Variants in ARL13B observed in about 807,000 individuals in gnomAD.
ARL13B encodes ARF like GTPase 13B.
In ARL13B, 36 loss-of-function variants were observed where a neutral mutation model predicts 56.1. That is an observed-to-expected ratio of 0.64 (90% CI 0.49 to 0.85). The LOEUF is 0.85. Among genes scored for constraint, ARL13B ranks in the 40% least tolerant of loss-of-function variants. ARL13B has a pLI of 0.00. For missense variants in ARL13B, 519 were observed against 507.1 expected (o/e 1.02, Z -0.23); for synonymous variants, 178 against 171.1 (o/e 1.04, Z -0.32).
intron 3 of ARL13B, among the ~76,000 whole-genome samples, chr3:94,010,116 T>G (rs1213219090): frequency 6.6e-6 from 1 of 152,076 alleles, no homozygotes; most frequent in Non-Finnish European, 1.5e-5. Context: ...TAGCAAAAAT[T>G]GAGAACTACT....
At chr3:94,041,828 A>G (rs945217854) in intron 6 of ARL13B, among the ~76,000 whole-genome samples, 2 of 152,168 alleles carry the variant, frequency 1.3e-5, no homozygotes, top group Admixed American at 1.3e-4. Context: ...TAATCCCAGC[A>G]CTTTGGGAGG....
rs2077097108 is a variant in ARL13B, at chr3:94,053,381, T to C, written c.*118T>C. 10 of 908,132 alleles carry C rather than the reference T, an allele frequency of 1.1e-5. No individual in the cohort carries two copies. The highest frequency in any genetic ancestry group is 7.5e-5 in the East Asian group (3 of 40,076). 56.3% of individuals were successfully genotyped at this position (908,132 alleles called of 1,614,324 possible). On this transcript the variant is annotated 3_prime_UTR_variant, in exon 10 of 10. Coordinates refer to ENST00000394222, the MANE Select transcript of ARL13B (RefSeq NM_001174150.2). ...TGGGGCAAGATAACCATAATAATTT[T>C]AGTGAGAAGATTAATACTCAAGGAC...
intron 3 of ARL13B, among the ~76,000 whole-genome samples, chr3:94,025,974 T>A (rs1177764693): frequency 6.6e-6 from 1 of 152,112 alleles, no homozygotes; most frequent in African/African-American, 2.4e-5. Flanking sequence ...CTCTTCACTT[T>A]GGCTTTAAGT....
At chr3:94,034,862 A>G (rs1053832506) in intron 3 of ARL13B, among the ~76,000 whole-genome samples, 3 of 152,192 alleles carry the variant, frequency 2.0e-5, no homozygotes, top group South Asian at 2.1e-4. Flanking sequence ...ATAATAAGGG[A>G]AAAATGACAA....
intron 1 of ARL13B, among the ~76,000 whole-genome samples, chr3:93,984,123 A>T (rs1300490216): frequency 6.6e-6 from 1 of 152,226 alleles, no homozygotes; most frequent in African/African-American, 2.4e-5. Flanking sequence ...TGGGAGGCTG[A>T]GGTGGGCAGA....
chr3:94,035,977 G>T (rs902781981), intron 4 of ARL13B, among the ~76,000 whole-genome samples: 1 of 152,064 alleles, frequency 6.6e-6, no homozygotes, highest in East Asian at 1.9e-4. Context: ...GGGGGCTGAG[G>T]TGGGAAGACC....
chr3:93,996,986 T>C (rs2075978608), intron 2 of ARL13B, among the ~76,000 whole-genome samples: 1 of 152,042 alleles, frequency 6.6e-6, no homozygotes, highest in Non-Finnish European at 1.5e-5. Context: ...CCATGAACCC[T>C]ATGTGAACTG....
At chr3:94,050,697 T>A (rs1004630600) in intron 8 of ARL13B, 127 bp from the exon 9 acceptor site, 34 of 765,224 alleles carry the variant, frequency 4.4e-5, no homozygotes, top group Non-Finnish European at 6.9e-5. Flanking sequence ...CTTTCCATAC[T>A]GTCATTCAAT....
intron 3 of ARL13B, among the ~76,000 whole-genome samples, chr3:94,013,543 A>C (rs1226564073): frequency 1.3e-5 from 2 of 152,200 alleles, no homozygotes; most frequent in Non-Finnish European, 2.9e-5. Flanking sequence ...TCATCTTCTT[A>C]TTCCTTAAGC....
At chr3:94,015,031 G>A (rs1374871052) in intron 3 of ARL13B, 1 of 1,613,980 alleles carries the variant, frequency 6.2e-7, no homozygotes, top group Non-Finnish European at 8.5e-7. Flanking sequence ...TCTCATTGAA[G>A]CCACCAGACT....
At chr3:94,031,789 G>T (rs528213534) in intron 3 of ARL13B, among the ~76,000 whole-genome samples, 3 of 152,252 alleles carry the variant, frequency 2.0e-5, no homozygotes, top group South Asian at 2.1e-4. Flanking sequence ...CATGGTACTG[G>T]TATAGAAATA....
rs1321835586 is a variant in ARL13B, at chr3:93,980,249, C to T, written c.-175C>T. The T allele has an allele frequency of 2.5e-6, 2 of 793,442 alleles. No individual in the cohort carries two copies. The highest frequency in any genetic ancestry group is 1.4e-5 in the South Asian group (1 of 70,146). The allele number at this position is 793,442 out of a possible 1,614,324, so 49.2% of individuals were successfully genotyped here. ...GCTAAGAGGGCAGTCGTCGCGGACC[C>T]ACGCGGTTAGCAAGGCTTAGTGCTC... is the stretch of plus-strand genomic sequence containing the variant. On this transcript the variant is annotated 5_prime_UTR_variant, in exon 1 of 10. Coordinates refer to ENST00000394222, the MANE Select transcript of ARL13B (RefSeq NM_001174150.2).
intron 1 of ARL13B, among the ~76,000 whole-genome samples, chr3:93,981,989 C>T (rs1165763152): frequency 6.6e-6 from 1 of 151,556 alleles, no homozygotes; most frequent in African/African-American, 2.4e-5. Flanking sequence ...ACTTGAGGGT[C>T]ATTCATAATA....
rs1031374886 is a variant in ARL13B, at chr3:94,039,863, T to C, written c.690-17T>C. On this transcript the variant is annotated splice_polypyrimidine_tract_variant and intron_variant, in intron 5 of 9. Transcript: ENST00000394222. ...CTTTCTCAAAGGAAATTTCAATTAT[T>C]TTTCCTCAAACGATAGAAAACAAAA... 1.2e-6 allele frequency: 2 copies of C among 1,610,888 alleles called. No homozygotes were observed.
intron 2 of ARL13B, among the ~76,000 whole-genome samples, chr3:93,997,643 T>C (rs1443466177): frequency 6.6e-6 from 1 of 152,108 alleles, no homozygotes; most frequent in Non-Finnish European, 1.5e-5. Flanking sequence ...CCAGTCTCCT[T>C]CTGAACTACA....
At chr3:93,996,733 A>G (rs1000814910) in intron 2 of ARL13B, 2 of 252,100 alleles carry the variant, frequency 7.9e-6, no homozygotes, top group East Asian at 1.1e-4. Context: ...TATCTATGCT[A>G]GTGACTTTGT....
chr3:93,997,188 T>G (rs2075982510), intron 2 of ARL13B, among the ~76,000 whole-genome samples: 1 of 152,098 alleles, frequency 6.6e-6, no homozygotes, highest in Non-Finnish European at 1.5e-5. Flanking sequence ...ATAATAGAAA[T>G]AAAGTGCACA....
chr3:94,008,953 G>A (rs1435979078), intron 3 of ARL13B, among the ~76,000 whole-genome samples: 1 of 152,076 alleles, frequency 6.6e-6, no homozygotes, highest in East Asian at 1.9e-4. Flanking sequence ...TTCACTTGGG[G>A]AAGACAACAT....
At chr3:93,990,583 G>A (rs1344575250) in intron 1 of ARL13B, among the ~76,000 whole-genome samples, 1 of 152,124 alleles carries the variant, frequency 6.6e-6, no homozygotes, top group Non-Finnish European at 1.5e-5. Flanking sequence ...TGTCATGTTG[G>A]TGCTTAAAAA....
Sources: gnomAD v4.1 joint callset for allele counts (sites outside exome capture counted in the v4.1 genomes callset) on GRCh38, gnomAD v4.1.1 for gene constraint, MANE v1.5 for transcripts, NCBI Gene and HGNC (gene_info 2026-07-23, HGNC 2026-07-21) for gene names.